Variants in MYBPC1 observed in about 807,000 individuals in gnomAD.
The protein encoded by MYBPC1 is myosin-binding protein C, slow-type.
MYBPC1 carries 52 observed loss-of-function variants against 147.1 expected under a neutral mutation model. The ratio of observed to expected loss-of-function variants is 0.35; its 90% confidence interval spans 0.28 to 0.45. MYBPC1 has a LOEUF of 0.45. Ranked by LOEUF, MYBPC1 falls within the 20% of genes least tolerant of loss-of-function variation. MYBPC1 has a pLI of 1.00. For missense variants in MYBPC1, 1,228 were observed against 1,440.3 expected (o/e 0.85, Z 2.39); for synonymous variants, 477 against 475.9 (o/e 1.00, Z -0.03).
At chr12:101,615,410 T>C (rs1367947727) in intron 2 of MYBPC1, among the ~76,000 whole-genome samples, 1 of 152,082 alleles carries the variant, frequency 6.6e-6, no homozygotes, top group East Asian at 1.9e-4. Flanking sequence ...TCAATAATTA[T>C]TCACTAGGTA....
At position 101,649,381 on chromosome 12, in the gene MYBPC1, G is replaced by A. The variant is rs773575111; in HGVS notation, c.1318G>A (p.Val440Ile). The stretch of plus-strand genomic sequence containing the variant: ...AAAGGCTGATGCTGCAGAATATTCA[G>A]TAATGACAACAGGAGGACAATCATC... ...ATKADAAEYS[V>I]MTTGGQSSAK... Residue 440 changes from valine to isoleucine, a missense_variant, in exon 15 of 32, where the codon GTA (valine) becomes ATA (isoleucine). Coordinates refer to ENST00000361466, the MANE Select transcript of MYBPC1 (RefSeq NM_002465.4). 1 of 1,613,796 alleles carries A rather than the reference G, an allele frequency of 6.2e-7. No homozygotes were observed. Among genetic ancestry groups the A allele is most frequent in the Admixed American group, 1.7e-5 (1 of 59,994 alleles).
At chr12:101,635,325 C>T (rs1223424587) in intron 9 of MYBPC1, among the ~76,000 whole-genome samples, 5 of 152,014 alleles carry the variant, frequency 3.3e-5, no homozygotes, top group Non-Finnish European at 7.4e-5. Context: ...ATGTTTTGTT[C>T]TTCCGAAGAC....
intron 2 of MYBPC1, 84 bp from the exon 3 acceptor site, chr12:101,617,118 C>T: frequency 1.6e-6 from 2 of 1,254,002 alleles, no homozygotes; most frequent in South Asian, 1.2e-5. Flanking sequence ...TTTATTTCTT[C>T]CCTCCCCCTC....
At chr12:101,624,914 G>C (rs903701369) in intron 3 of MYBPC1, among the ~76,000 whole-genome samples, 1 of 152,078 alleles carries the variant, frequency 6.6e-6, no homozygotes, top group Admixed American at 6.6e-5. Context: ...TTGCTTAGGA[G>C]TAACAAGTTG....
intron 1 of MYBPC1, 82 bp from the exon 2 acceptor site, chr12:101,614,414 C>A: frequency 6.6e-7 from 1 of 1,522,952 alleles, no homozygotes; most frequent in Non-Finnish European, 9.1e-7. Context: ...CTGCCTGCAG[C>A]AGAAGCTGCC....
intron 1 of MYBPC1, among the ~76,000 whole-genome samples, chr12:101,597,957 C>T (rs563774434): frequency 1.3e-5 from 2 of 150,666 alleles, no homozygotes; most frequent in African/African-American, 2.4e-5. Flanking sequence ...TAATTGAGTA[C>T]AAGTAAGTGC....
chr12:101,642,112 A>AT (rs1387379368), intron 10 of MYBPC1, among the ~76,000 whole-genome samples: 1 of 152,204 alleles, frequency 6.6e-6, no homozygotes, highest in African/African-American at 2.4e-5. Context: ...TAGACTTTAA[A>AT]TTTGAAAATA....
In MYBPC1 at chr12:101,673,579, G is replaced by A; in HGVS notation, c.2766G>A (p.Val922=). The change falls in exon 25 of 32, where the codon GTG becomes GTA. Residue 922 remains valine, a synonymous_variant. Coordinates refer to ENST00000361466, the MANE Select transcript of MYBPC1 (RefSeq NM_002465.4). ...HSGKYDLQVK[V]DKFVETASID... ...GGAAATATGATCTGCAAGTCAAAGT[G>A]GACAAATTCGTGGAGACCGCATCAA... 2 of 1,614,104 alleles carry A rather than the reference G, an allele frequency of 1.2e-6. No homozygotes were observed. Among genetic ancestry groups the A allele is most frequent in the Non-Finnish European group, 1.7e-6 (2 of 1,180,014 alleles).
At chr12:101,636,589 C>A (rs2293469) in intron 9 of MYBPC1, 83 bp from the exon 10 acceptor site, 37,943 of 1,124,050 alleles carry the variant, frequency 0.034, 2,510 homozygotes, top group East Asian at 0.28. Context: ...ATTGCATATA[C>A]GTTACATGTA....
chr12:101,695,534 G>T, the MYBPC1 span, among the ~76,000 whole-genome samples: 415 of 152,316 alleles, frequency 2.7e-3, 2 homozygotes, highest in African/African-American at 9.8e-3. Flanking sequence ...ACTACTGTAT[G>T]GAGAAGTGTT....
chr12:101,597,108 G>T (rs1465426886), intron 1 of MYBPC1, among the ~76,000 whole-genome samples: 2 of 152,222 alleles, frequency 1.3e-5, no homozygotes, highest in Non-Finnish European at 2.9e-5. Context: ...AGAGTAAGGA[G>T]TACGGCAATT....
At chr12:101,612,088 A>AG (rs1884520903) in intron 1 of MYBPC1, among the ~76,000 whole-genome samples, 1 of 150,166 alleles carries the variant, frequency 6.7e-6, no homozygotes, top group African/African-American at 2.4e-5. Flanking sequence ...AAAAAAAAGA[A>AG]AAAAAAAAAA....
At chr12:101,658,601 T>G (rs1220604638) in intron 18 of MYBPC1, among the ~76,000 whole-genome samples, 1 of 152,180 alleles carries the variant, frequency 6.6e-6, no homozygotes, top group African/African-American at 2.4e-5. Flanking sequence ...AAATGGTCTT[T>G]GTTCACAGAT....
At chr12:101,688,653 G>A (rs1951380888), downstream of MYBPC1, among the ~76,000 whole-genome samples, 6 of 152,214 alleles carry the variant, frequency 3.9e-5, 1 homozygote, top group South Asian at 1.2e-3. Context: ...GATTTAGCTT[G>A]CAACTTGATA....
rs544539775 is a variant in MYBPC1, at chr12:101,659,778, A to G, written c.1874A>G (p.Asn625Ser). ...ERDDSGVYHINLKNEAGEAHA... is the reference protein window; with the variant it reads ...ERDDSGVYHISLKNEAGEAHA... The stretch of plus-strand genomic sequence containing the variant: ...GATGACTCTGGTGTTTACCACATCA[A>G]TCTGAAAAACGAAGCTGGAGAGGCA... The change falls in exon 19 of 32, where the codon AAT becomes AGT. Residue 625 changes from asparagine to serine, a missense_variant. Physicochemically the swap from Asn to Ser is conservative, Grantham distance 46. Transcript: ENST00000361466. 3 of 1,614,150 alleles carry G rather than the reference A, an allele frequency of 1.9e-6. No homozygotes were observed. The highest frequency in any genetic ancestry group is 3.3e-5 in the Admixed American group (2 of 60,026).
Position 101,634,475 on chromosome 12 carries a change from C to T in MYBPC1, c.557-79C>T, listed in dbSNP as rs187062202. On this transcript the variant is annotated intron_variant, in intron 8 of 31. Coordinates refer to ENST00000361466, the MANE Select transcript of MYBPC1 (RefSeq NM_002465.4). The stretch of plus-strand genomic sequence containing the variant: ...CCTGACATTCTTCCATCTAAAGAAT[C>T]CCCACAGCCTATAAAGGAACTGAAC... 7.6e-4 allele frequency: 883 copies of T among 1,164,702 alleles called. 3 individuals carry two copies. Among genetic ancestry groups the T allele is most frequent in the Middle Eastern group, 7.8e-4 (4 of 5,144 alleles). 72.1% of individuals were successfully genotyped at this position (1,164,702 alleles called of 1,614,324 possible). A position where few individuals can be genotyped will look rare whatever the true frequency, so the allele number is the denominator to read the frequency against.
intron 31 of MYBPC1, among the ~76,000 whole-genome samples, chr12:101,685,267 G>A (rs1004642427): frequency 8.5e-5 from 13 of 152,220 alleles, no homozygotes; most frequent in African/African-American, 2.9e-4. Flanking sequence ...TCATCTATGA[G>A]GAATCACAAA....
intron 8 of MYBPC1, among the ~76,000 whole-genome samples, chr12:101,634,142 C>T (rs1041391122): frequency 6.6e-6 from 1 of 152,096 alleles, no homozygotes; most frequent in South Asian, 2.1e-4. Flanking sequence ...TCTCGTGATC[C>T]GCCCGCCTCG....
At chr12:101,688,095 C>A (rs1951376662), downstream of MYBPC1, among the ~76,000 whole-genome samples, 1 of 152,058 alleles carries the variant, frequency 6.6e-6, no homozygotes, top group Non-Finnish European at 1.5e-5. Flanking sequence ...CAGGAATTTA[C>A]CAAAAATTCT....
Sources: allele counts gnomAD v4.1 joint callset (sites outside exome capture counted in the v4.1 genomes callset), GRCh38; gene constraint gnomAD v4.1.1; transcripts MANE v1.5; gene names NCBI Gene and HGNC (gene_info 2026-07-23, HGNC 2026-07-21).